The following PLXNA1 variants were observed in gnomAD, a reference collection of about 807,000 sequenced individuals.
The protein encoded by PLXNA1 is plexin-A1.
Under a neutral mutation model 191.7 loss-of-function variants are expected in PLXNA1, and 77 were observed. The ratio of observed to expected loss-of-function variants is 0.40; its 90% CI spans 0.33 to 0.49. The LOEUF (loss-of-function observed/expected upper bound fraction) is 0.49, where lower values mean the gene tolerates loss of function less well. PLXNA1 is among the 20% of genes least tolerant of loss of function. PLXNA1 has a pLI of 0.63. For missense variants in PLXNA1, 2,110 were observed against 2,660.2 expected (o/e 0.79, Z 4.55); for synonymous variants, 1,137 against 1,156.4 (o/e 0.98, Z 0.34).
At chr3:127,024,236 C>T (rs2079166557) in intron 23 of PLXNA1, among the ~76,000 whole-genome samples, 2 of 152,132 alleles carry the variant, frequency 1.3e-5, no homozygotes. Flanking sequence ...CAGCAAATGC[C>T]TATAAGCACC....
In PLXNA1 at chr3:127,010,400, C is replaced by G. The variant is rs373504233; in HGVS notation, c.2113-1558C>G. The stretch of plus-strand genomic sequence containing the variant: ...GTCAGGTGATCACTGGAGTTTCAGC[C>G]TAATCCTGACTCAGTGGGCCGCATG... On this transcript the variant is annotated intron_variant, in intron 9 of 31. Coordinates refer to ENST00000393409, the MANE Select transcript of PLXNA1 (RefSeq NM_032242.4). Among the ~76,000 whole-genome samples, 178 of 152,280 alleles carry G rather than the reference C, an allele frequency of 1.2e-3. 1 individual carries two copies. Among genetic ancestry groups the G allele is most frequent in the African/African-American group, 4.1e-3 (169 of 41,556 alleles).
At chr3:127,012,276 C>T in intron 10 of PLXNA1, 118 bp downstream of exon 10, 2 of 1,062,012 alleles carry the variant, frequency 1.9e-6, no homozygotes, top group Non-Finnish European at 1.4e-6. Flanking sequence ...TCACGTGTAT[C>T]TCTGATGAGT....
intron 3 of PLXNA1, among the ~76,000 whole-genome samples, chr3:127,002,579 G>A (rs1038645238): frequency 3.9e-5 from 6 of 152,346 alleles, no homozygotes; most frequent in Admixed American, 3.3e-4. Context: ...GGTCAGGCTG[G>A]GGGAAGCAGG....
intron 9 of PLXNA1, among the ~76,000 whole-genome samples, chr3:127,008,460 A>C (rs1389559988): frequency 6.6e-6 from 1 of 152,162 alleles, no homozygotes; most frequent in Non-Finnish European, 1.5e-5. Flanking sequence ...GCAAGGCACT[A>C]GCTTTATGAA....
At chr3:127,027,852 C>T in intron 23 of PLXNA1, 88 bp from the exon 24 acceptor site, 1 of 1,560,528 alleles carries the variant, frequency 6.4e-7, no homozygotes, top group South Asian at 1.1e-5. Flanking sequence ...TTGCCAGGAA[C>T]ACCATGGCTG....
At chr3:127,030,694 G>T (rs1198031469) in intron 29 of PLXNA1, among the ~76,000 whole-genome samples, 4 of 152,250 alleles carry the variant, frequency 2.6e-5, no homozygotes, top group Non-Finnish European at 5.9e-5. Flanking sequence ...CAGCTGTGCG[G>T]ACATGAGTGT....
intron 27 of PLXNA1, 97 bp from the exon 28 acceptor site, chr3:127,029,777 G>A: frequency 7.3e-7 from 1 of 1,377,122 alleles, no homozygotes; most frequent in East Asian, 2.5e-5. Context: ...TCCCACATGG[G>A]TGGGGGTGCC....
At chr3:126,992,710 GGGTCCTGCT>G (rs1240509458) in intron 3 of PLXNA1, among the ~76,000 whole-genome samples, 1 of 152,072 alleles carries the variant, frequency 6.6e-6, no homozygotes, top group East Asian at 1.9e-4. Context: ...GGGTGCCCTG[GGGTCCTGCT>G]GGTTCTGCTC....
intron 3 of PLXNA1, among the ~76,000 whole-genome samples, chr3:126,996,479 G>T (rs77152601): frequency 0.026 from 4,008 of 152,356 alleles, 82 homozygotes; most frequent in Middle Eastern, 0.041. Flanking sequence ...TTGGTGGCAG[G>T]TGCCCACTGT....
chr3:127,013,676 G>A (rs555473604), intron 10 of PLXNA1, among the ~76,000 whole-genome samples: 6 of 152,368 alleles, frequency 3.9e-5, no homozygotes, highest in Admixed American at 3.3e-4. Flanking sequence ...ATGCTGATGC[G>A]TATTCTAGGG....
chr3:127,032,066 CA>C, intron 29 of PLXNA1: 1 of 347,328 alleles, frequency 2.9e-6, no homozygotes, highest in East Asian at 6.9e-5. Flanking sequence ...AGCCAGCATG[CA>C]GGCCTAGGAG....
intron 8 of PLXNA1, 142 bp downstream of exon 8, chr3:127,006,320 C>T: frequency 1.4e-6 from 1 of 704,820 alleles, no homozygotes; most frequent in South Asian, 1.7e-5. Flanking sequence ...ATTGGGGCTC[C>T]TGAGGCTGGG....
rs774971878 is a variant in PLXNA1, at chr3:127,015,245, G to T, written c.2939G>T (p.Gly980Val). 8.7e-6 allele frequency: 14 copies of T among 1,613,374 alleles called. No homozygotes were observed. In the Admixed American group the frequency reaches 2.2e-4, roughly 25 times the overall value. Residue 980 changes from glycine to valine, a missense_variant, in exon 15 of 32, where the codon GGC becomes GTC. Coordinates refer to ENST00000393409, the MANE Select transcript of PLXNA1 (RefSeq NM_032242.4). ...CCTCTGTCAGGGGGCACCTGGATTG[G>T]CATCGAGGGAAGCCACCTGAACGCA... is the stretch of plus-strand genomic sequence containing the variant. ...RGPLSGGTWI[G>V]IEGSHLNAGS...
intron 2 of PLXNA1, 30 bp downstream of exon 2, chr3:126,989,817 G>T (rs770320497): frequency 6.4e-7 from 1 of 1,553,870 alleles, no homozygotes; most frequent in Non-Finnish European, 8.8e-7. Flanking sequence ...CCCTCCTCCC[G>T]CGGCCCCATC....
In PLXNA1 at chr3:127,003,504, A is replaced by T. The variant is rs775189220; in HGVS notation, c.1518+34A>T. 10 of 1,559,094 alleles carry T rather than the reference A, an allele frequency of 6.4e-6. 1 individual carries two copies. The South Asian group carries it at 1.2e-4, about 18-fold the overall frequency. On this transcript the variant is annotated intron_variant, in intron 4 of 31. Transcript: ENST00000393409. ...TGCACCAGTCAGACGGTGTGGCTGA[A>T]GGTGGGGGCCCTCCTACCAGGAACC...
At position 127,017,445 on chromosome 3, in the gene PLXNA1, C is replaced by G; in HGVS notation, c.3297C>G (p.Asp1099Glu). The change falls in exon 18 of 32, where the codon GAC (aspartate) becomes GAG (glutamate). Residue 1099 changes from aspartate (D) to glutamate (E), a missense_variant. Coordinates refer to ENST00000393409, the MANE Select transcript of PLXNA1 (RefSeq NM_032242.4). ...ERENGCLVYN[D>E]TTMVCRAPSV... ...TCCAGGGCTGCCTGGTGTACAATGACACCACCATGGTATGCCGCGCCCCGT... is the reference window on the plus strand; with the variant it reads ...TCCAGGGCTGCCTGGTGTACAATGAGACCACCATGGTATGCCGCGCCCCGT... 1 of 1,613,046 alleles carries G rather than the reference C, an allele frequency of 6.2e-7. No individual in the cohort carries two copies. Among genetic ancestry groups the G allele is most frequent in the Non-Finnish European group, 8.5e-7 (1 of 1,179,962 alleles).
At chr3:126,994,067 G>A (rs2079003945) in intron 3 of PLXNA1, among the ~76,000 whole-genome samples, 2 of 152,182 alleles carry the variant, frequency 1.3e-5, no homozygotes, top group Non-Finnish European at 2.9e-5. Flanking sequence ...TGTGATGAGT[G>A]TTGACCATGC....
chr3:127,025,251 C>G (rs1486779676), intron 23 of PLXNA1, among the ~76,000 whole-genome samples: 1 of 152,226 alleles, frequency 6.6e-6, no homozygotes, highest in Non-Finnish European at 1.5e-5. Context: ...GAGCCCTTGG[C>G]ACCCGTTGAT....
intron 1 of PLXNA1, among the ~76,000 whole-genome samples, chr3:126,983,793 G>C (rs961551721): frequency 6.6e-6 from 1 of 152,024 alleles, no homozygotes; most frequent in Non-Finnish European, 1.5e-5. Context: ...GGGCGAGGAC[G>C]GGGTGGCCAG....
Sources: allele counts gnomAD v4.1 joint callset (sites outside exome capture counted in the v4.1 genomes callset), GRCh38; gene constraint gnomAD v4.1.1; transcripts MANE v1.5; gene names NCBI Gene and HGNC (gene_info 2026-07-23, HGNC 2026-07-21).